MYOM3: variants seen among roughly 807,000 people sequenced by gnomAD.
MYOM3 encodes the protein myomesin-3.
Under a neutral mutation model 191.7 loss-of-function variants are expected in MYOM3, and 155 were observed. That is an observed-to-expected ratio of 0.81 (90% confidence interval 0.71 to 0.92). The LOEUF is 0.92. Ranked by LOEUF, MYOM3 falls within the 40% of genes least tolerant of loss-of-function variation. The pLI, the probability that MYOM3 is intolerant of heterozygous loss-of-function variation, is 0.00. For synonymous variants in MYOM3, 757 were observed against 762.9 expected (o/e 0.99, Z 0.13); for missense variants, 1,889 against 1,890.6 (o/e 1.00, Z 0.02).
At chr1:24,109,979 C>G (rs1029967520) in intron 1 of MYOM3, among the ~76,000 whole-genome samples, 3 of 152,212 alleles carry the variant, frequency 2.0e-5, no homozygotes, top group Non-Finnish European at 4.4e-5. Context: ...TCAGATTGAC[C>G]CAGGGGAGGC....
chr1:24,095,052 A>G, intron 8 of MYOM3, 62 bp from the exon 9 acceptor site: 1 of 1,540,464 alleles, frequency 6.5e-7, no homozygotes, highest in Non-Finnish European at 8.8e-7. Context: ...CCTGGGACTT[A>G]GGAGTGAGGA....
chr1:24,075,266 C>T (rs1643581955), intron 22 of MYOM3, 53 bp downstream of exon 22: 5 of 1,593,424 alleles, frequency 3.1e-6, no homozygotes, highest in Non-Finnish European at 4.3e-6. Context: ...GCCAGCTCCT[C>T]TGACAGTATT....
intron 28 of MYOM3, chr1:24,066,615 A>G (rs1165683871): frequency 2.8e-6 from 1 of 354,570 alleles, no homozygotes; most frequent in Non-Finnish European, 5.1e-6. Context: ...TTTCTCATCT[A>G]TGAAGTGAGG....
intron 33 of MYOM3, 85 bp from the exon 34 acceptor site, chr1:24,061,394 T>C: frequency 7.4e-7 from 1 of 1,343,306 alleles, no homozygotes; most frequent in Non-Finnish European, 1.0e-6. Flanking sequence ...GAGCAAAGCT[T>C]ATCCCTGACT....
chr1:24,069,801 G>C (rs1460918262), intron 25 of MYOM3, among the ~76,000 whole-genome samples: 1 of 151,986 alleles, frequency 6.6e-6, no homozygotes, highest in Non-Finnish European at 1.5e-5. Flanking sequence ...AGTAGAGATG[G>C]GGTTTCATCA....
chr1:24,108,225 C>T (rs534766905), intron 2 of MYOM3, 152 bp from the exon 3 acceptor site: 391 of 780,408 alleles, frequency 5.0e-4, no homozygotes, highest in Non-Finnish European at 4.7e-4. Flanking sequence ...AGCAAGGCTG[C>T]ATCCCCCCGA....
chr1:24,108,778 A>C, intron 1 of MYOM3, 124 bp from the exon 2 acceptor site: 1 of 665,714 alleles, frequency 1.5e-6, no homozygotes, highest in Non-Finnish European at 2.4e-6. Context: ...TGCAGTCGGC[A>C]GACAGGGAAA....
intron 22 of MYOM3, 29 bp from the exon 23 acceptor site, chr1:24,074,298 G>T: frequency 6.4e-7 from 1 of 1,561,196 alleles, no homozygotes; most frequent in African/African-American, 1.4e-5. Flanking sequence ...CAGAGGCTCT[G>T]GGAGGAGCTC....
chr1:24,081,445 A>G lies in MYOM3; in HGVS notation c.2292T>C (p.Leu764=). 1 of 1,614,072 alleles carries G rather than the reference A, an allele frequency of 6.2e-7. No homozygotes were observed. The highest frequency in any genetic ancestry group is 8.5e-7 in the Non-Finnish European group (1 of 1,179,992). The change falls in exon 19 of 37, where the codon CTT becomes CTC. Residue 764 remains leucine (L), a synonymous_variant. Transcript: ENST00000374434. ...IPTRVCKVSD[L]HEGHFYEFRA... The stretch of plus-strand genomic sequence containing the variant: ...GGAACTCATAGAAGTGGCCTTCATG[A>G]AGGTCACTGACCTTTAAGAGCAGAA...
At chr1:24,107,280 TG>T in intron 3 of MYOM3, 48 bp from the exon 4 acceptor site, 1 of 1,498,596 alleles carries the variant, frequency 6.7e-7, no homozygotes. Flanking sequence ...GGGGGATGCC[TG>T]GGGCATCCTG....
chr1:24,085,204 A>AGAT (rs1643722312), intron 15 of MYOM3, among the ~76,000 whole-genome samples: 1 of 143,028 alleles, frequency 7.0e-6, no homozygotes. Context: ...ATGGATGGAT[A>AGAT]GATGGATGGA....
Position 24,075,308 on chromosome 1 carries a change from G to A in MYOM3, c.2858+11C>T, listed in dbSNP as rs561975031. On this transcript the variant is annotated intron_variant, in intron 22 of 36. Coordinates refer to ENST00000374434, the MANE Select transcript of MYOM3 (RefSeq NM_152372.4). ...CCGTTGAGCAGTTGTTTCTCCTCTCGCCTCACTTACTTGTTAACTTTATCC... is the reference window on the plus strand; with the variant it reads ...CCGTTGAGCAGTTGTTTCTCCTCTCACCTCACTTACTTGTTAACTTTATCC... 8 of 1,611,458 alleles carry A rather than the reference G, an allele frequency of 5.0e-6. No homozygotes were observed. Among genetic ancestry groups the A allele is most frequent in the African/African-American group, 2.7e-5 (2 of 74,910 alleles).
Position 24,090,883 on chromosome 1 carries a change from G to A in MYOM3, c.1346C>T (p.Ala449Val), listed in dbSNP as rs201540067. The A allele has an allele frequency of 1.9e-6, 3 of 1,614,130 alleles. No individual in the cohort carries two copies. The highest frequency in any genetic ancestry group is 1.7e-6 in the Non-Finnish European group (2 of 1,179,996). The change falls in exon 12 of 37, where the codon GCC (alanine) becomes GTC (valine). Residue 449 changes from alanine (A) to valine (V), a missense_variant. Physicochemically the swap from Ala to Val is moderately conservative, Grantham distance 64. Coordinates refer to ENST00000374434, the MANE Select transcript of MYOM3 (RefSeq NM_152372.4). ...EGQSYRFRVRAISRVGSSVPS... is the reference protein window; with the variant it reads ...EGQSYRFRVRVISRVGSSVPS... ...GACGCTGCTGCCTACCCTGCTGATG[G>A]CTCTCACCCGGAACCGATAGCTCTG...
rs1455622335 is a variant in MYOM3, at chr1:24,086,744, C to T, written c.1698G>A (p.Glu566=). The T allele has an allele frequency of 6.2e-7, 1 of 1,614,206 alleles. No individual in the cohort carries two copies. The highest frequency in any genetic ancestry group is 2.2e-5 in the East Asian group (1 of 44,878). Residue 566 remains glutamate, a synonymous_variant, in exon 15 of 37, where the codon GAG becomes GAA. Transcript: ENST00000374434. The part of the protein sequence containing the change: ...RSPRFAVLDL[E]KKKSYVFRVR... Reference sequence around the variant, plus strand: ...CTCTGAAGACATACGACTTCTTTTTCTCCAGGTCCAGAACGGCGAATCTCG... The same window carrying T: ...CTCTGAAGACATACGACTTCTTTTTTTCCAGGTCCAGAACGGCGAATCTCG...
chr1:24,067,712 T>C (rs1193312003), intron 27 of MYOM3, among the ~76,000 whole-genome samples: 1 of 152,124 alleles, frequency 6.6e-6, no homozygotes, highest in African/African-American at 2.4e-5. Flanking sequence ...TCTGACCACC[T>C]TGGCCTCCCA....
At chr1:24,097,841 G>T in intron 7 of MYOM3, 82 bp downstream of exon 7, 1 of 940,752 alleles carries the variant, frequency 1.1e-6, no homozygotes, top group Non-Finnish European at 1.8e-6. Context: ...CCTTCCTCAG[G>T]TCTCACGCAG....
In MYOM3 at chr1:24,090,936, CCGA is replaced by C; in HGVS notation, c.1290_1292del (p.Cys430_Arg431delinsTrp). On this transcript the variant is annotated inframe_deletion, in exon 12 of 37. Transcript: ENST00000374434. ...CTTCGACGAGGCCTTGGATTGGGCA[CCGA>C]CAAGTCCCTCCGGGGGCCTCATGGC... 6.2e-7 allele frequency: 1 copy of C among 1,614,022 alleles called. No individual in the cohort carries two copies. Among genetic ancestry groups the C allele is most frequent in the East Asian group, 2.2e-5 (1 of 44,894 alleles).
intron 1 of MYOM3, 69 bp from the exon 2 acceptor site, chr1:24,108,723 A>C: frequency 2.4e-6 from 3 of 1,225,378 alleles, no homozygotes; most frequent in Non-Finnish European, 3.3e-6. Flanking sequence ...AGTCTTCCCA[A>C]CATCTCTAGG....
chr1:24,090,128 G>A lies in MYOM3; in HGVS notation c.1433-10C>T. ...AGATCAAAGGGGATCTCTAGGATGA[G>A]AAGGGAGCATGGGAGGGTGGGGGGT... On this transcript the variant is annotated splice_polypyrimidine_tract_variant and intron_variant, in intron 12 of 36. Transcript: ENST00000374434. The A allele has an allele frequency of 6.2e-7, 1 of 1,608,812 alleles. No homozygotes were observed. The highest frequency in any genetic ancestry group is 8.5e-7 in the Non-Finnish European group (1 of 1,175,234).
Sources: allele counts gnomAD v4.1 joint callset (sites outside exome capture counted in the v4.1 genomes callset), GRCh38; gene constraint gnomAD v4.1.1; transcripts MANE v1.5; gene names NCBI Gene and HGNC (gene_info 2026-07-23, HGNC 2026-07-21).